Variants in SGCD observed in about 807,000 individuals in gnomAD.
The protein encoded by SGCD is delta-sarcoglycan.
In SGCD, 18 loss-of-function variants were observed where a neutral mutation model predicts 36.6. The observed-to-expected ratio is 0.49, with a 90% CI of 0.34 to 0.73. The LOEUF (loss-of-function observed/expected upper bound fraction) is 0.73, where lower values mean the gene tolerates loss of function less well. SGCD is among the 30% of genes least tolerant of loss of function. SGCD has a pLI of 0.01. For missense variants in SGCD, 387 were observed against 346.7 expected (o/e 1.12, Z -0.92); for synonymous variants, 133 against 130.6 (o/e 1.02, Z -0.12).
At chr5:156,338,028 G>A (rs1257266186) in intron 2 of SGCD, among the ~76,000 whole-genome samples, 1 of 152,082 alleles carries the variant, frequency 6.6e-6, no homozygotes, top group African/African-American at 2.4e-5. Flanking sequence ...TTAGTAAAAT[G>A]CCTGTCAATG....
At chr5:156,583,410 G>C (rs1342200850) in intron 4 of SGCD, among the ~76,000 whole-genome samples, 2 of 152,088 alleles carry the variant, frequency 1.3e-5, no homozygotes, top group South Asian at 2.1e-4. Flanking sequence ...AGCCCCATCA[G>C]TTACCAACCC....
the SGCD span, among the ~76,000 whole-genome samples, chr5:155,840,368 C>T: frequency 1.3e-5 from 2 of 150,826 alleles, no homozygotes; most frequent in African/African-American, 2.4e-5. Flanking sequence ...CTCAGCCTCC[C>T]GAGTAGCTGG....
At chr5:156,378,126 A>G (rs1322351021) in intron 3 of SGCD, among the ~76,000 whole-genome samples, 1 of 152,162 alleles carries the variant, frequency 6.6e-6, no homozygotes, top group Non-Finnish European at 1.5e-5. Context: ...GAATGGATAA[A>G]TAAAATGTGG....
intron 3 of SGCD, among the ~76,000 whole-genome samples, chr5:156,385,125 T>C (rs113832622): frequency 6.6e-6 from 1 of 152,234 alleles, no homozygotes; most frequent in African/African-American, 2.4e-5. Context: ...TGAAGTGCAG[T>C]GGAAAGAGCA....
intron 4 of SGCD, among the ~76,000 whole-genome samples, chr5:156,580,259 T>G (rs962044827): frequency 1.3e-5 from 2 of 152,242 alleles, no homozygotes; most frequent in African/African-American, 4.8e-5. Context: ...TCTACTGGCT[T>G]GCAGATCTTC....
chr5:156,068,228 C>T (rs146691095), intron 1 of SGCD, among the ~76,000 whole-genome samples: 9,650 of 150,842 alleles, frequency 0.064, 989 homozygotes, highest in African/African-American at 0.21. Flanking sequence ...CCCATTAACT[C>T]GTCATTTAGC....
intron 7 of SGCD, among the ~76,000 whole-genome samples, chr5:156,747,159 T>C (rs1756974562): frequency 6.6e-6 from 1 of 152,232 alleles, no homozygotes; most frequent in South Asian, 2.1e-4. Context: ...TAAAGTACTA[T>C]TATGTAGCCA....
chr5:156,163,806 G>A (rs1028205557), intron 3 of SGCD, among the ~76,000 whole-genome samples: 1 of 151,276 alleles, frequency 6.6e-6, no homozygotes, highest in African/African-American at 2.5e-5. Context: ...GGATCACAAG[G>A]TCAGGAGATC....
At chr5:156,176,637 T>C (rs986820530) in intron 3 of SGCD, among the ~76,000 whole-genome samples, 1 of 152,182 alleles carries the variant, frequency 6.6e-6, no homozygotes, top group African/African-American at 2.4e-5. Flanking sequence ...AAAATAATAA[T>C]TATTCTGACT....
At chr5:156,224,216 A>G (rs1171717354) in intron 3 of SGCD, among the ~76,000 whole-genome samples, 2 of 151,988 alleles carry the variant, frequency 1.3e-5, no homozygotes, top group Non-Finnish European at 2.9e-5. Context: ...TACACGGTCA[A>G]TAAATGCTAC....
At chr5:155,982,858 G>A (rs536652421) in intron 1 of SGCD, among the ~76,000 whole-genome samples, 27 of 152,230 alleles carry the variant, frequency 1.8e-4, no homozygotes, top group African/African-American at 4.6e-4. Flanking sequence ...ATTGAGCTCC[G>A]AAACAGAGGA....
chr5:156,315,416 A>G (rs995546355), intron 3 of SGCD, among the ~76,000 whole-genome samples: 1 of 151,878 alleles, frequency 6.6e-6, no homozygotes, highest in Non-Finnish European at 1.5e-5. Flanking sequence ...GCTGAACAGT[A>G]TTGTACTGTG....
chr5:155,956,173 T>C lies in SGCD; in HGVS notation c.-282+85749T>C, dbSNP rs147420724. On this transcript the variant is annotated intron_variant, in intron 1 of 9. Coordinates refer to the SGCD transcript ENST00000517913. Reference sequence around the variant, plus strand: ...GCTTCCAAGTTCTCTCTGGTTCATCTGGGGTGGGCGTGCCTCTGGCTGAAG... The same window carrying C: ...GCTTCCAAGTTCTCTCTGGTTCATCCGGGGTGGGCGTGCCTCTGGCTGAAG... 3.1e-3 allele frequency among the ~76,000 whole-genome samples: 464 copies of C among 151,048 alleles called. 2 individuals carry two copies. The highest frequency in any genetic ancestry group is 0.01 in the African/African-American group (429 of 41,124).
At chr5:156,502,763 T>C (rs1756514689) in intron 3 of SGCD, among the ~76,000 whole-genome samples, 7 of 152,360 alleles carry the variant, frequency 4.6e-5, no homozygotes, top group Admixed American at 4.6e-4. Flanking sequence ...AAATGTTTTT[T>C]AATAAAGCTC....
intron 3 of SGCD, among the ~76,000 whole-genome samples, chr5:156,240,834 C>A (rs1765288308): frequency 6.6e-6 from 1 of 151,852 alleles, no homozygotes; most frequent in African/African-American, 2.4e-5. Flanking sequence ...CAAACAAAAC[C>A]AAAAGCCGAC....
intron 1 of SGCD, among the ~76,000 whole-genome samples, chr5:155,901,039 G>A (rs186039693): frequency 3.9e-5 from 6 of 152,086 alleles, no homozygotes; most frequent in Admixed American, 6.6e-5. Flanking sequence ...TAGGCCAGTC[G>A]TGGTGGCTCA....
intron 3 of SGCD, among the ~76,000 whole-genome samples, chr5:156,268,486 G>A (rs774761908): frequency 6.6e-6 from 1 of 152,128 alleles, no homozygotes; most frequent in Non-Finnish European, 1.5e-5. Flanking sequence ...AACCTCACCA[G>A]CATCTGTTAT....
chr5:155,871,008 TG>T (rs1048002109), intron 1 of SGCD, among the ~76,000 whole-genome samples: 27 of 151,868 alleles, frequency 1.8e-4, no homozygotes, highest in African/African-American at 6.5e-4. Flanking sequence ...GGAATAAAGG[TG>T]GGGGTGATGA....
intron 1 of SGCD, among the ~76,000 whole-genome samples, chr5:155,999,874 T>C (rs1267161625): frequency 6.6e-6 from 1 of 152,214 alleles, no homozygotes; most frequent in Admixed American, 6.5e-5. Context: ...TTCTTAACTT[T>C]TGTGGTGCTT....
Sources: gnomAD v4.1 joint callset for allele counts (sites outside exome capture counted in the v4.1 genomes callset) on GRCh38, gnomAD v4.1.1 for gene constraint, MANE v1.5 for transcripts, NCBI Gene and HGNC (gene_info 2026-07-23, HGNC 2026-07-21) for gene names.